The following NRXN3 variants were observed in gnomAD, a reference collection of about 807,000 sequenced individuals.
NRXN3 encodes the protein neurexin III.
A neutral mutation model predicts 137.6 loss-of-function variants in NRXN3; 32 were observed. That is an observed-to-expected ratio of 0.23 (90% CI 0.18 to 0.31). NRXN3 has a LOEUF of 0.31. Among genes scored for constraint, NRXN3 ranks in the 10% least tolerant of loss-of-function variants. The pLI is 1.00. For synonymous variants in NRXN3, 798 were observed against 784.5 expected, an observed-to-expected ratio of 1.02 and a Z score of -0.29; for missense variants, 1,574 against 2,062.5, an observed-to-expected ratio of 0.76 and a Z score of 4.59.
intron 10 of NRXN3, among the ~76,000 whole-genome samples, chr14:78,937,653 A>T (rs1438782248): frequency 6.6e-6 from 1 of 152,246 alleles, no homozygotes; most frequent in Non-Finnish European, 1.5e-5. Flanking sequence ...TGAGAATATG[A>T]TAGACTTTGA....
intron 10 of NRXN3, among the ~76,000 whole-genome samples, chr14:78,822,650 G>A (rs935938066): frequency 6.6e-6 from 1 of 151,496 alleles, no homozygotes; most frequent in South Asian, 2.1e-4. Context: ...ACTCCAGCCT[G>A]GGTAACAGAG....
chr14:79,789,199 T>C (rs1234076992), intron 19 of NRXN3, among the ~76,000 whole-genome samples: 3 of 152,100 alleles, frequency 2.0e-5, no homozygotes, highest in Non-Finnish European at 4.4e-5. Flanking sequence ...CTAGAGTTCA[T>C]TAACAGGAGG....
chr14:78,722,304 A>T (rs1426761477), intron 8 of NRXN3, among the ~76,000 whole-genome samples: 1 of 152,156 alleles, frequency 6.6e-6, no homozygotes, highest in Non-Finnish European at 1.5e-5. Flanking sequence ...CAGTGCTGTC[A>T]AATGCAGGGA....
chr14:78,600,406 C>A (rs1005079369), intron 4 of NRXN3, among the ~76,000 whole-genome samples: 7 of 152,170 alleles, frequency 4.6e-5, no homozygotes, highest in Non-Finnish European at 1.0e-4. Context: ...CCTTTGGGCT[C>A]CCCCAGCTCC....
chr14:78,571,712 C>T (rs2193671), intron 4 of NRXN3, among the ~76,000 whole-genome samples: 8,961 of 152,228 alleles, frequency 0.059, 396 homozygotes, highest in East Asian at 0.14. Context: ...CACACATTCA[C>T]GCAACACAAA....
chr14:79,250,853 G>T (rs542527391), intron 15 of NRXN3, among the ~76,000 whole-genome samples: 3 of 152,268 alleles, frequency 2.0e-5, no homozygotes, highest in Admixed American at 1.3e-4. Flanking sequence ...TTGAATATCT[G>T]ATAGACAACA....
At chr14:78,305,344 T>G (rs1341621346) in intron 4 of NRXN3, among the ~76,000 whole-genome samples, 1 of 152,136 alleles carries the variant, frequency 6.6e-6, no homozygotes, top group African/African-American at 2.4e-5. Context: ...TTCCTTTTGC[T>G]CTACAGAGTT....
At chr14:78,508,901 G>T (rs1036931395) in intron 4 of NRXN3, among the ~76,000 whole-genome samples, 7 of 152,172 alleles carry the variant, frequency 4.6e-5, no homozygotes, top group Non-Finnish European at 7.4e-5. Flanking sequence ...GAGGTTGTCA[G>T]ACTGATTCAT....
chr14:78,454,486 G>T (rs2094632233), intron 4 of NRXN3, among the ~76,000 whole-genome samples: 1 of 152,150 alleles, frequency 6.6e-6, no homozygotes, highest in African/African-American at 2.4e-5. Context: ...AAGTTGGAAT[G>T]GTAATGATAT....
At chr14:78,754,049 G>T (rs950953991) in intron 8 of NRXN3, among the ~76,000 whole-genome samples, 2 of 152,192 alleles carry the variant, frequency 1.3e-5, no homozygotes, top group Admixed American at 6.5e-5. Context: ...AAGGGTGTGA[G>T]GGGAAACCTT....
intron 15 of NRXN3, among the ~76,000 whole-genome samples, chr14:79,114,090 A>C (rs567570439): frequency 6.6e-6 from 1 of 152,300 alleles, no homozygotes; most frequent in African/African-American, 2.4e-5. Context: ...TTTCTCTAAA[A>C]CAGGGCAATG....
intron 16 of NRXN3, among the ~76,000 whole-genome samples, chr14:79,475,482 G>A (rs2096551676): frequency 1.3e-5 from 2 of 152,050 alleles, no homozygotes; most frequent in Non-Finnish European, 2.9e-5. Flanking sequence ...TATAAATTGA[G>A]TTTTTATTAT....
chr14:78,635,447 T>C (rs1183753183), intron 4 of NRXN3, among the ~76,000 whole-genome samples: 1 of 152,234 alleles, frequency 6.6e-6, no homozygotes, highest in African/African-American at 2.4e-5. Context: ...AGTGTTGATA[T>C]GTGTGCTACT....
intron 10 of NRXN3, among the ~76,000 whole-genome samples, chr14:78,901,302 C>CT (rs1255302372): frequency 3.3e-5 from 5 of 151,700 alleles, no homozygotes; most frequent in African/African-American, 4.8e-5. Flanking sequence ...TTTATTCTTT[C>CT]TTTTTTCTCT....
At chr14:78,815,479 C>CTTTCTTT (rs2098929318) in intron 10 of NRXN3, among the ~76,000 whole-genome samples, 1 of 84,436 alleles carries the variant, frequency 1.2e-5, no homozygotes, top group Non-Finnish European at 2.2e-5. Context: ...TTGTTTCTTT[C>CTTTCTTT]TTTTTTTTTT....
intron 4 of NRXN3, among the ~76,000 whole-genome samples, chr14:78,611,423 C>T (rs529140932): frequency 6.7e-6 from 1 of 149,856 alleles, no homozygotes; most frequent in Admixed American, 6.7e-5. Context: ...CCTTTCCCTC[C>T]TCTTTTTTTT....
At chr14:78,597,624 C>G (rs998833749) in intron 4 of NRXN3, among the ~76,000 whole-genome samples, 1 of 152,126 alleles carries the variant, frequency 6.6e-6, no homozygotes, top group Non-Finnish European at 1.5e-5. Context: ...GATCCTCTGC[C>G]CGTGAAGCTG....
chr14:79,735,691 C>T (rs1485715891), intron 19 of NRXN3, among the ~76,000 whole-genome samples: 1 of 152,144 alleles, frequency 6.6e-6, no homozygotes, highest in African/African-American at 2.4e-5. Context: ...TATAAAGCAT[C>T]CAGACATTTC....
intron 8 of NRXN3, among the ~76,000 whole-genome samples, chr14:78,717,764 A>C (rs1455444058): frequency 6.6e-6 from 1 of 152,200 alleles, no homozygotes; most frequent in Non-Finnish European, 1.5e-5. Flanking sequence ...CCAAAACAGA[A>C]ACACCAACTT....
Sources: gnomAD v4.1 joint callset for allele counts (sites outside exome capture counted in the v4.1 genomes callset) on GRCh38, gnomAD v4.1.1 for gene constraint, MANE v1.5 for transcripts, NCBI Gene and HGNC (gene_info 2026-07-23, HGNC 2026-07-21) for gene names.